CTNND2: variants seen among roughly 807,000 people sequenced by gnomAD.
The protein encoded by CTNND2 is catenin delta 2.
CTNND2 carries 22 observed loss-of-function variants against 144.4 expected under a neutral mutation model. The observed-to-expected ratio is 0.15, with a 90% CI of 0.11 to 0.22. The LOEUF is 0.22. Among genes scored for constraint, CTNND2 ranks in the 10% least tolerant of loss-of-function variants. CTNND2 has a pLI of 1.00. For missense variants in CTNND2, 1,353 were observed against 1,618.8 expected, an observed-to-expected ratio of 0.84 and a Z score of 2.82; for synonymous variants, 751 against 695.6, an observed-to-expected ratio of 1.08 and a Z score of -1.25.
intron 2 of CTNND2, among the ~76,000 whole-genome samples, chr5:11,628,434 T>C (rs1398894097): frequency 6.6e-6 from 1 of 152,158 alleles, no homozygotes; most frequent in Non-Finnish European, 1.5e-5. Flanking sequence ...ATGTAAAAGA[T>C]GAGGCAATTG....
chr5:11,193,001 A>G (rs575202931), intron 11 of CTNND2, among the ~76,000 whole-genome samples: 1 of 152,248 alleles, frequency 6.6e-6, no homozygotes, highest in South Asian at 2.1e-4. Flanking sequence ...ACCATTGTTC[A>G]CACCTTTGAA....
chr5:11,563,699 G>C (rs900724601), intron 3 of CTNND2, among the ~76,000 whole-genome samples: 2 of 151,786 alleles, frequency 1.3e-5, no homozygotes, highest in Admixed American at 6.6e-5. Context: ...CATCCACGTG[G>C]TTAACCCCGC....
chr5:11,668,393 C>T (rs1000449641), intron 2 of CTNND2, among the ~76,000 whole-genome samples: 35 of 152,080 alleles, frequency 2.3e-4, no homozygotes, highest in Non-Finnish European at 4.4e-4. Context: ...TTCCTATCCA[C>T]GAGCATGGAA....
intron 2 of CTNND2, among the ~76,000 whole-genome samples, chr5:11,731,550 T>C (rs1021501718): frequency 1.3e-5 from 2 of 152,234 alleles, no homozygotes; most frequent in Admixed American, 6.5e-5. Flanking sequence ...ACAAGAAACA[T>C]GACTTTTATA....
intron 3 of CTNND2, among the ~76,000 whole-genome samples, chr5:11,516,861 C>G (rs559778189): frequency 2.0e-5 from 3 of 152,164 alleles, no homozygotes; most frequent in Admixed American, 6.5e-5. Flanking sequence ...TGCAAGGACA[C>G]AGAAAAGCTC....
Position 10,973,824 on chromosome 5 carries a change from A to G in CTNND2, c.3418-111T>C. ...AAGAATAGGCTGTGTATATCCAGGC[A>G]TTCACCACTGTGGCCCTGCTTCTCC... is the stretch of plus-strand genomic sequence containing the variant. On this transcript the variant is annotated intron_variant, in intron 21 of 21. Coordinates refer to ENST00000304623, the MANE Select transcript of CTNND2 (RefSeq NM_001332.4). The surrounding 1 kb of genome is among the most constrained non-coding windows in gnomAD (Gnocchi z 5.6). The G allele has an allele frequency of 1.6e-6, 2 of 1,232,414 alleles. No homozygotes were observed. Among genetic ancestry groups the G allele is most frequent in the Non-Finnish European group, 2.2e-6 (2 of 912,046 alleles). The allele number at this position is 1,232,414 out of a possible 1,614,324, so 76.3% of individuals were successfully genotyped here.
At chr5:11,237,301 G>A (rs1455332480) in intron 9 of CTNND2, among the ~76,000 whole-genome samples, 1 of 152,116 alleles carries the variant, frequency 6.6e-6, no homozygotes, top group Non-Finnish European at 1.5e-5. Flanking sequence ...TTACAGGCGT[G>A]AGCCAGCGCG....
At chr5:11,141,379 ATTGGCTTT>A (rs1435588067) in intron 12 of CTNND2, among the ~76,000 whole-genome samples, 3 of 152,056 alleles carry the variant, frequency 2.0e-5, no homozygotes, top group Non-Finnish European at 4.4e-5. Flanking sequence ...GCTTAAAGTG[ATTGGCTTT>A]ACCTGTTTTC....
chr5:11,266,750 A>G (rs1379541764), intron 9 of CTNND2, among the ~76,000 whole-genome samples: 2 of 152,376 alleles, frequency 1.3e-5, no homozygotes, highest in African/African-American at 4.8e-5. Flanking sequence ...CTTAATTAGC[A>G]TAATTTCCAC....
At chr5:11,154,472 A>G (rs1758032287) in intron 12 of CTNND2, among the ~76,000 whole-genome samples, 3 of 152,266 alleles carry the variant, frequency 2.0e-5, no homozygotes, top group Non-Finnish European at 4.4e-5. Context: ...GCACAAAGAA[A>G]AACAGAAAAA....
chr5:11,426,044 T>A (rs574152833), intron 3 of CTNND2, among the ~76,000 whole-genome samples: 1 of 152,114 alleles, frequency 6.6e-6, no homozygotes, highest in Admixed American at 6.6e-5. Context: ...TTTCCCCTGA[T>A]GTTTCCTCTC....
intron 6 of CTNND2, among the ~76,000 whole-genome samples, chr5:11,393,683 T>C (rs1759824995): frequency 6.6e-6 from 1 of 152,190 alleles, no homozygotes; most frequent in South Asian, 2.1e-4. Flanking sequence ...GGATATCTGG[T>C]GAACCCTGGG....
At chr5:11,318,248 G>A (rs968581102) in intron 9 of CTNND2, among the ~76,000 whole-genome samples, 2 of 152,148 alleles carry the variant, frequency 1.3e-5, no homozygotes, top group African/African-American at 4.8e-5. Flanking sequence ...AAAGTCCCCT[G>A]CTATCATCCC....
chr5:11,686,917 T>C (rs1287960179), intron 2 of CTNND2, among the ~76,000 whole-genome samples: 2 of 150,138 alleles, frequency 1.3e-5, no homozygotes, highest in African/African-American at 4.9e-5. Context: ...TTTTAAAATA[T>C]AGACAAAAAT....
Position 11,544,466 on chromosome 5 carries a change from CAATT to C in CTNND2, c.287+20474_287+20477del, listed in dbSNP as rs1422136092. On this transcript the variant is annotated intron_variant, in intron 3 of 21. Transcript: ENST00000304623. Reference sequence around the variant, plus strand: ...TAGGGATTTACTCAAGAAAAAGTAACAATTAAATCATACAAACACCTGTTCACAG... The same window carrying C: ...TAGGGATTTACTCAAGAAAAAGTAACAAATCATACAAACACCTGTTCACAG... Among the ~76,000 whole-genome samples, 23 of 152,276 alleles carry C rather than the reference CAATT, an allele frequency of 1.5e-4. 1 individual carries two copies. Among genetic ancestry groups the C allele is most frequent in the African/African-American group, 4.8e-4 (20 of 41,556 alleles).
chr5:11,239,913 G>A (rs1014331477), intron 9 of CTNND2, among the ~76,000 whole-genome samples: 4 of 152,270 alleles, frequency 2.6e-5, no homozygotes, highest in Non-Finnish European at 5.9e-5. Flanking sequence ...CTGAGGCCAG[G>A]GCCCCAACTC....
intron 2 of CTNND2, among the ~76,000 whole-genome samples, chr5:11,688,791 C>T (rs1028248131): frequency 3.9e-5 from 6 of 152,076 alleles, no homozygotes; most frequent in South Asian, 2.1e-4. Context: ...CCTATTAAAA[C>T]GGCTGCAGCA....
intron 15 of CTNND2, among the ~76,000 whole-genome samples, chr5:11,089,768 C>T (rs1002910181): frequency 5.3e-5 from 8 of 152,122 alleles, no homozygotes; most frequent in Non-Finnish European, 7.4e-5. Flanking sequence ...CGAGCACTTT[C>T]GGAGGCCAAG....
At chr5:11,723,795 G>A (rs951356336) in intron 2 of CTNND2, among the ~76,000 whole-genome samples, 2 of 151,988 alleles carry the variant, frequency 1.3e-5, no homozygotes, top group African/African-American at 4.8e-5. Flanking sequence ...GGTGGCTCAT[G>A]TCTGTAATTC....
Sources: allele counts gnomAD v4.1 joint callset (sites outside exome capture counted in the v4.1 genomes callset), GRCh38; gene constraint gnomAD v4.1.1; non-coding constraint Gnocchi (gnomAD v3.1); transcripts MANE v1.5; gene names NCBI Gene and HGNC (gene_info 2026-07-23, HGNC 2026-07-21).